SLC16A7: variants seen among roughly 807,000 people sequenced by gnomAD.
The protein encoded by SLC16A7 is monocarboxylate transporter 2.
A neutral mutation model predicts 34.9 loss-of-function variants in SLC16A7; 33 were observed. The ratio of observed to expected loss-of-function variants is 0.94; its 90% CI spans 0.72 to 1.26. SLC16A7 has a LOEUF of 1.26. SLC16A7 is among the 50% of genes most tolerant of loss of function. The pLI, the probability that SLC16A7 is intolerant of heterozygous loss-of-function variation, is 0.00. For synonymous variants in SLC16A7, 201 were observed against 206.6 expected, an observed-to-expected ratio of 0.97 and a Z score of 0.23; for missense variants, 573 against 578.1, an observed-to-expected ratio of 0.99 and a Z score of 0.09.
chr12:59,770,164 CTT>C (rs1017028605), intron 3 of SLC16A7, among the ~76,000 whole-genome samples: 5 of 152,034 alleles, frequency 3.3e-5, no homozygotes, highest in African/African-American at 9.7e-5. Context: ...ATTTTAATCA[CTT>C]GTGAATATTT....
At chr12:59,614,054 CTTT>C (rs373589268) in intron 1 of SLC16A7, among the ~76,000 whole-genome samples, 1 of 136,794 alleles carries the variant, frequency 7.3e-6, no homozygotes, top group Non-Finnish European at 1.6e-5. Flanking sequence ...GAATGAGAGC[CTTT>C]TTTTTTTTTT....
intron 1 of SLC16A7, among the ~76,000 whole-genome samples, chr12:59,625,893 A>G (rs1489382333): frequency 6.6e-6 from 1 of 151,844 alleles, no homozygotes; most frequent in Non-Finnish European, 1.5e-5. Flanking sequence ...AAATTACCAT[A>G]TAATTCCCTT....
rs552180701 is a variant in SLC16A7, at chr12:59,626,133, C to A, written c.-129-29019C>A. Among the ~76,000 whole-genome samples the A allele has an allele frequency of 2.0e-4, 31 of 151,816 alleles. No individual in the cohort carries two copies. The South Asian group carries it at 4.6e-3, about 22-fold the overall frequency. On this transcript the variant is annotated intron_variant, in intron 1 of 5. Coordinates refer to ENST00000547379, the MANE Select transcript of SLC16A7 (RefSeq NM_001270623.2). ...CAATTACAGATTATAAAAGTAAAAT[C>A]ATCATATTATAGAAAATAATCTTAA...
chr12:59,639,172 CA>C (rs1880561805), intron 1 of SLC16A7, among the ~76,000 whole-genome samples: 1 of 152,050 alleles, frequency 6.6e-6, no homozygotes, highest in African/African-American at 2.4e-5. Context: ...TTTACTCCAT[CA>C]ATTTTGTTTG....
chr12:59,774,739 A>G lies in SLC16A7; in HGVS notation c.444A>G (p.Gly148=), dbSNP rs1882569191. 1.2e-6 allele frequency: 2 copies of G among 1,613,474 alleles called. No individual in the cohort carries two copies. Among genetic ancestry groups the G allele is most frequent in the Admixed American group, 3.3e-5 (2 of 59,932 alleles). Reference sequence around the variant, plus strand: ...ATAGGAAGCGACCCATGGCAAATGGATTGGCCATGGCAGGAAGTCCTGTTT... The same window carrying G: ...ATAGGAAGCGACCCATGGCAAATGGGTTGGCCATGGCAGGAAGTCCTGTTT... ...YFYRKRPMAN[G]LAMAGSPVFL... The change falls in exon 5 of 6, where the codon GGA becomes GGG. Residue 148 remains glycine, a synonymous_variant. Transcript: ENST00000547379.
At chr12:59,611,512 C>T (rs986728655) in intron 1 of SLC16A7, among the ~76,000 whole-genome samples, 1 of 152,198 alleles carries the variant, frequency 6.6e-6, no homozygotes, top group Non-Finnish European at 1.5e-5. Context: ...CAAACCATAT[C>T]ATTCTGCCTC....
chr12:59,638,172 G>A (rs558440284), intron 1 of SLC16A7, among the ~76,000 whole-genome samples: 19 of 152,234 alleles, frequency 1.2e-4, no homozygotes, highest in African/African-American at 4.3e-4. Context: ...AATGGTAATA[G>A]GCTGAAGGAG....
At chr12:59,760,407 ATATTCAG>A in intron 3 of SLC16A7, among the ~76,000 whole-genome samples, 1 of 152,196 alleles carries the variant, frequency 6.6e-6, no homozygotes. Context: ...TCACAATCGC[ATATTCAG>A]TAATCTCTCC....
At chr12:59,726,214 G>T (rs1876212922) in intron 3 of SLC16A7, among the ~76,000 whole-genome samples, 1 of 152,034 alleles carries the variant, frequency 6.6e-6, no homozygotes, top group South Asian at 2.1e-4. Context: ...AATTCCAGTG[G>T]CGTTCACACT....
rs71448588 is a variant in SLC16A7 at position 59,614,824 on chromosome 12, T to TAAAAA, written c.-130+18613_-130+18617dup. ...TAACATGGTCAAACCCCATTCCTAC[T>TAAAAA]AAAAAAAAAAAAAAAAAAAAAAAAA... On this transcript the variant is annotated intron_variant, in intron 1 of 5. Transcript: ENST00000547379. Among the ~76,000 whole-genome samples the TAAAAA allele has an allele frequency of 8.4e-4, 30 of 35,752 alleles. 1 individual carries two copies. Among genetic ancestry groups the TAAAAA allele is most frequent in the African/African-American group, 3.1e-3 (25 of 8,086 alleles). The allele number at this position is 35,752 out of a possible 152,430, so 23.5% of individuals were successfully genotyped here.
chr12:59,629,070 C>CCA (rs1335459825), intron 1 of SLC16A7, among the ~76,000 whole-genome samples: 2 of 151,734 alleles, frequency 1.3e-5, no homozygotes, highest in African/African-American at 4.8e-5. Context: ...GTAGAGATGG[C>CCA]CATCTTCTTG....
Position 59,711,920 on chromosome 12 carries a change from A to G in SLC16A7, c.217+6902A>G, listed in dbSNP as rs146788966. 4.9e-4 allele frequency among the ~76,000 whole-genome samples: 74 copies of G among 152,350 alleles called. No individual in the cohort carries two copies. In the East Asian group the frequency reaches 0.013, roughly 26 times the overall value. On this transcript the variant is annotated intron_variant, in intron 3 of 5. Transcript: ENST00000547379. ...ATTGTGCAATGAGAAGCAGAAGAGCATTATAGTTGGAGAGTGAGCTCCAAA... is the reference window on the plus strand; with the variant it reads ...ATTGTGCAATGAGAAGCAGAAGAGCGTTATAGTTGGAGAGTGAGCTCCAAA...
chr12:59,701,464 A>ATG (rs142237352), intron 2 of SLC16A7, among the ~76,000 whole-genome samples: 2,106 of 151,014 alleles, frequency 0.014, 23 homozygotes, highest in Middle Eastern at 0.056. Flanking sequence ...AATTGTGTAT[A>ATG]TGTGTGTGTG....
At chr12:59,750,761 G>C (rs1036798188) in intron 3 of SLC16A7, among the ~76,000 whole-genome samples, 7 of 152,250 alleles carry the variant, frequency 4.6e-5, no homozygotes, top group South Asian at 4.1e-4. Context: ...ACATGCACTT[G>C]TATGTTTACT....
chr12:59,775,137 C>T lies in SLC16A7; in HGVS notation c.842C>T (p.Ser281Leu), dbSNP rs766674596. Residue 281 changes from serine (S) to leucine (L), a missense_variant, in exon 5 of 6, where the codon TCG (serine) becomes TTG (leucine). By Grantham distance (145) the Ser-to-Leu change is moderately radical. Coordinates refer to ENST00000547379, the MANE Select transcript of SLC16A7 (RefSeq NM_001270623.2). ...YAKDQGIDEY[S>L]AAFLLSVMAF... Reference sequence around the variant, plus strand: ...AAAGACCAAGGAATTGATGAGTACTCGGCAGCTTTTCTGCTATCTGTTATG... The same window carrying T: ...AAAGACCAAGGAATTGATGAGTACTTGGCAGCTTTTCTGCTATCTGTTATG... 8.1e-6 allele frequency: 13 copies of T among 1,614,050 alleles called. No individual in the cohort carries two copies. Among genetic ancestry groups the T allele is most frequent in the East Asian group, 2.2e-5 (1 of 44,874 alleles).
At chr12:59,617,813 G>A (rs908159700) in intron 1 of SLC16A7, among the ~76,000 whole-genome samples, 1 of 151,848 alleles carries the variant, frequency 6.6e-6, no homozygotes, top group Non-Finnish European at 1.5e-5. Flanking sequence ...AATCACTATT[G>A]TTGTTTTATT....
chr12:59,691,916 G>C (rs1871705483), intron 2 of SLC16A7, among the ~76,000 whole-genome samples: 1 of 151,946 alleles, frequency 6.6e-6, no homozygotes, highest in Admixed American at 6.6e-5. Context: ...GCAGTTGCTT[G>C]GTTAATGGCT....
At chr12:59,714,461 G>T (rs1358906454) in intron 3 of SLC16A7, among the ~76,000 whole-genome samples, 2 of 152,136 alleles carry the variant, frequency 1.3e-5, no homozygotes, top group African/African-American at 2.4e-5. Flanking sequence ...TTCTGGTGGG[G>T]CCTCTCTCTT....
chr12:59,701,355 A>G (rs951582912), intron 2 of SLC16A7, among the ~76,000 whole-genome samples: 3 of 151,780 alleles, frequency 2.0e-5, no homozygotes, highest in Admixed American at 1.3e-4. Context: ...TAGCATTTGA[A>G]GCTCTTATGC....
Sources: gnomAD v4.1 joint callset for allele counts (sites outside exome capture counted in the v4.1 genomes callset) on GRCh38, gnomAD v4.1.1 for gene constraint, MANE v1.5 for transcripts, NCBI Gene and HGNC (gene_info 2026-07-23, HGNC 2026-07-21) for gene names.